Variants in KCNH1 observed in about 807,000 individuals in gnomAD.
KCNH1 encodes the protein potassium voltage-gated channel subfamily H member 1.
Under a neutral mutation model 69.2 loss-of-function variants are expected in KCNH1, and 27 were observed. The ratio of observed to expected loss-of-function variants is 0.39; its 90% confidence interval spans 0.29 to 0.54. The LOEUF (loss-of-function observed/expected upper bound fraction) is 0.54. KCNH1 is among the 20% of genes least tolerant of loss of function. KCNH1 has a pLI of 0.68. For missense variants in KCNH1, 798 were observed against 1,261.6 expected, an observed-to-expected ratio of 0.63 and a Z score of 5.57; for synonymous variants, 456 against 487.7, an observed-to-expected ratio of 0.93 and a Z score of 0.86.
chr1:210,853,697 C>T (rs1685759746), intron 7 of KCNH1, among the ~76,000 whole-genome samples: 2 of 152,162 alleles, frequency 1.3e-5, no homozygotes, highest in South Asian at 2.1e-4. Context: ...GAAGATTTAT[C>T]AGGTCTTGCC....
At chr1:210,890,728 T>C (rs939315055) in intron 7 of KCNH1, among the ~76,000 whole-genome samples, 9 of 151,516 alleles carry the variant, frequency 5.9e-5, no homozygotes, top group Admixed American at 3.3e-4. Context: ...AAAGTGGGTA[T>C]AGCATATGAC....
intron 7 of KCNH1, among the ~76,000 whole-genome samples, chr1:210,884,442 G>A (rs559464120): frequency 6.6e-6 from 1 of 152,298 alleles, no homozygotes; most frequent in Non-Finnish European, 1.5e-5. Context: ...GTTCTTTTCA[G>A]CTCTATTTTA....
intron 5 of KCNH1, among the ~76,000 whole-genome samples, chr1:211,049,848 G>T (rs1690163928): frequency 6.6e-6 from 1 of 152,030 alleles, no homozygotes; most frequent in Non-Finnish European, 1.5e-5. Context: ...CCCTAACAAG[G>T]GTCGCCAGTA....
chr1:211,057,375 C>A (rs1178068552), intron 5 of KCNH1, among the ~76,000 whole-genome samples: 2 of 152,150 alleles, frequency 1.3e-5, no homozygotes, highest in Admixed American at 6.5e-5. Flanking sequence ...GTGGCTCATG[C>A]CTGTGGTCCT....
intron 5 of KCNH1, among the ~76,000 whole-genome samples, chr1:211,049,325 C>A (rs1020837215): frequency 2.0e-5 from 3 of 152,206 alleles, no homozygotes; most frequent in African/African-American, 4.8e-5. Context: ...TTGTCAAGAT[C>A]TCCATTAAAG....
intron 6 of KCNH1, among the ~76,000 whole-genome samples, chr1:210,960,458 T>C (rs1420749820): frequency 3.3e-5 from 5 of 152,208 alleles, no homozygotes; most frequent in African/African-American, 7.2e-5. Context: ...GCAACCACAA[T>C]GTGCTTTCTG....
At chr1:210,879,890 T>C (rs1211015972) in intron 7 of KCNH1, among the ~76,000 whole-genome samples, 1 of 152,124 alleles carries the variant, frequency 6.6e-6, no homozygotes, top group Non-Finnish European at 1.5e-5. Context: ...TAGATTATTA[T>C]TGCAGAGTTG....
chr1:210,760,046 G>A (rs941310905), intron 10 of KCNH1, among the ~76,000 whole-genome samples: 2 of 152,088 alleles, frequency 1.3e-5, no homozygotes, highest in African/African-American at 4.8e-5. Context: ...GAGGAATCTA[G>A]GTTGCACACT....
In KCNH1 at chr1:210,682,695, C is replaced by T. The variant is rs538397028; in HGVS notation, c.*586G>A. 2.0e-5 allele frequency: 3 copies of T among 152,984 alleles called. No homozygotes were observed. The highest frequency in any genetic ancestry group is 7.2e-5 in the African/African-American group (3 of 41,466). 9.5% of individuals were successfully genotyped at this position (152,984 alleles called of 1,614,324 possible). ...GAGGCATGCACCACACCTGCAGCTGCTTTTCTGGCCTTAACCATGAGACAG... is the reference window on the plus strand; with the variant it reads ...GAGGCATGCACCACACCTGCAGCTGTTTTTCTGGCCTTAACCATGAGACAG... On this transcript the variant is annotated 3_prime_UTR_variant, in exon 11 of 11. Transcript: ENST00000271751.
chr1:210,786,013 C>G (rs1684093995), intron 9 of KCNH1, among the ~76,000 whole-genome samples: 2 of 152,124 alleles, frequency 1.3e-5, no homozygotes, highest in South Asian at 4.2e-4. Flanking sequence ...ATGCCTTGAC[C>G]TGTACCCGTC....
rs142349281 is a variant in KCNH1 at position 210,729,859 on chromosome 1, A to G, written c.2112+45489T>C. Among the ~76,000 whole-genome samples, 42 of 152,314 alleles carry G rather than the reference A, an allele frequency of 2.8e-4. No individual in the cohort carries two copies. In the East Asian group the frequency reaches 5.6e-3, roughly 20 times the overall value. On this transcript the variant is annotated intron_variant, in intron 10 of 10. Coordinates refer to ENST00000271751, the MANE Select transcript of KCNH1 (RefSeq NM_172362.3). ...CAGGGTTTAAGTCAACACAAGAGCC[A>G]TGTAATGCTGTAGCTTTTGCCATAT...
At chr1:211,061,105 T>C (rs566470125) in intron 5 of KCNH1, among the ~76,000 whole-genome samples, 1 of 152,282 alleles carries the variant, frequency 6.6e-6, no homozygotes, top group South Asian at 2.1e-4. Flanking sequence ...AAAAAGGTCA[T>C]TCATCATGAC....
chr1:210,794,302 G>C (rs1184657325), intron 9 of KCNH1, among the ~76,000 whole-genome samples: 1 of 152,106 alleles, frequency 6.6e-6, no homozygotes, highest in Non-Finnish European at 1.5e-5. Context: ...ATTGAGCTTG[G>C]ACCTACTTTA....
chr1:210,982,162 C>A (rs1688722846), intron 6 of KCNH1, among the ~76,000 whole-genome samples: 1 of 151,816 alleles, frequency 6.6e-6, no homozygotes, highest in Non-Finnish European at 1.5e-5. Flanking sequence ...TTTCAACATC[C>A]ACACAGGAAT....
intron 1 of KCNH1, among the ~76,000 whole-genome samples, chr1:211,129,202 T>G (rs1028300991): frequency 2.0e-5 from 3 of 152,176 alleles, no homozygotes; most frequent in Non-Finnish European, 4.4e-5. Context: ...ATATCCTAAG[T>G]GTATAAAGCA....
At chr1:210,973,303 C>T (rs1011298649) in intron 6 of KCNH1, among the ~76,000 whole-genome samples, 1 of 152,034 alleles carries the variant, frequency 6.6e-6, no homozygotes, top group African/African-American at 2.4e-5. Context: ...GCATATACAG[C>T]CCCTAGACCC....
chr1:211,034,669 A>G (rs1689861221), intron 5 of KCNH1, among the ~76,000 whole-genome samples: 1 of 152,220 alleles, frequency 6.6e-6, no homozygotes, highest in Non-Finnish European at 1.5e-5. Context: ...TTTTAAAATC[A>G]ACTGAATGTA....
At chr1:210,741,654 G>A (rs1280079344) in intron 10 of KCNH1, among the ~76,000 whole-genome samples, 2 of 152,170 alleles carry the variant, frequency 1.3e-5, no homozygotes, top group African/African-American at 4.8e-5. Flanking sequence ...TTAATGGAAG[G>A]CCCTCACTGA....
rs563056509 is a variant in KCNH1 at position 210,889,717 on chromosome 1, C to A, written c.1462+29923G>T. 5.2e-3 allele frequency among the ~76,000 whole-genome samples: 793 copies of A among 152,260 alleles called. 10 individuals carry two copies. The highest frequency in any genetic ancestry group is 0.02 in the Middle Eastern group (6 of 294). Reference sequence around the variant, plus strand: ...GCAACTTCAGTAAAGTCTCAGGATACAAAATCAATGTGCAAAAATCACAAG... The same window carrying A: ...GCAACTTCAGTAAAGTCTCAGGATAAAAAATCAATGTGCAAAAATCACAAG... On this transcript the variant is annotated intron_variant, in intron 7 of 10. Transcript: ENST00000271751.
Sources: allele counts gnomAD v4.1 joint callset (sites outside exome capture counted in the v4.1 genomes callset), GRCh38; gene constraint gnomAD v4.1.1; transcripts MANE v1.5; gene names NCBI Gene and HGNC (gene_info 2026-07-23, HGNC 2026-07-21).